Variants in TGM4 observed in about 807,000 individuals in gnomAD.
TGM4 encodes protein-glutamine gamma-glutamyltransferase 4.
In TGM4, 61 loss-of-function variants were observed where a neutral mutation model predicts 76.3. The observed-to-expected ratio is 0.80, with a 90% CI of 0.65 to 0.99. The LOEUF is 0.99. Ranked by LOEUF, TGM4 falls within the 50% of genes least tolerant of loss-of-function variation. The pLI is 0.00. For synonymous variants in TGM4, 337 were observed against 329.8 expected (o/e 1.02, Z -0.24); for missense variants, 794 against 843.2 (o/e 0.94, Z 0.72).
rs1402531364 is a variant in TGM4, at chr3:44,901,570, G to A, written c.704G>A (p.Gly235Glu). ...GGCGTGCTCATTGGGAATTGGACTG[G>A]GGACTACGAAGGTGGCACAGCCCCA... ...GQGVLIGNWT[G>E]DYEGGTAPYK... Residue 235 changes from glycine (G) to glutamate (E), a missense_variant, in exon 7 of 14, where the codon GGG becomes GAG. By Grantham distance (98) the Gly-to-Glu change is moderately conservative. Transcript: ENST00000296125. The A allele has an allele frequency of 6.2e-7, 1 of 1,613,946 alleles. No individual in the cohort carries two copies. Among genetic ancestry groups the A allele is most frequent in the Non-Finnish European group, 8.5e-7 (1 of 1,179,924 alleles).
At chr3:44,902,183 C>T (rs1699864524) in intron 8 of TGM4, among the ~76,000 whole-genome samples, 1 of 152,176 alleles carries the variant, frequency 6.6e-6, no homozygotes, top group Non-Finnish European at 1.5e-5. Flanking sequence ...GCTGTGGGGC[C>T]CCTTCAGCCT....
In TGM4 at chr3:44,911,464, T is replaced by C. The variant is rs143110779; in HGVS notation, c.1913+58T>C. 262 of 1,590,482 alleles carry C rather than the reference T, an allele frequency of 1.6e-4. 3 individuals carry two copies. The African/African-American group carries it at 2.8e-3, about 17-fold the overall frequency. On this transcript the variant is annotated intron_variant, in intron 13 of 13. Coordinates refer to ENST00000296125, the MANE Select transcript of TGM4 (RefSeq NM_003241.4). ...CTTCTGGACATATATCTTGCACATG[T>C]GTGCATATTCCTGAGAAGTGAATTC...
chr3:44,902,373 G>A (rs1158485530), intron 8 of TGM4, among the ~76,000 whole-genome samples: 2 of 152,208 alleles, frequency 1.3e-5, no homozygotes, highest in African/African-American at 4.8e-5. Context: ...GGGAGGCTGA[G>A]GTGGGTGGAT....
Position 44,890,625 on chromosome 3 carries a change from C to T in TGM4, c.323C>T (p.Ser108Phe), listed in dbSNP as rs1391567168. The change falls in exon 4 of 14, where the codon TCC becomes TTC. Residue 108 changes from serine to phenylalanine, a missense_variant. Coordinates refer to ENST00000296125, the MANE Select transcript of TGM4 (RefSeq NM_003241.4). ...CAGGTCACAGTGGCTGTCACCAGTT[C>T]CCCCAATGCCATCCTGGGCAAGTAC... ...GKEVTVAVTSSPNAILGKYQL... is the reference protein window; with the variant it reads ...GKEVTVAVTSFPNAILGKYQL... The T allele has an allele frequency of 6.2e-7, 1 of 1,613,920 alleles. No individual in the cohort carries two copies. Among genetic ancestry groups the T allele is most frequent in the African/African-American group, 1.3e-5 (1 of 74,906 alleles).
chr3:44,895,061 C>G (rs571063979), intron 5 of TGM4, among the ~76,000 whole-genome samples: 1 of 151,950 alleles, frequency 6.6e-6, no homozygotes, highest in Admixed American at 6.6e-5. Context: ...TTTGGGAGGC[C>G]GAAGCAGGCA....
chr3:44,886,560 A>C (rs1217437057), intron 2 of TGM4, among the ~76,000 whole-genome samples: 3 of 152,198 alleles, frequency 2.0e-5, no homozygotes, highest in Non-Finnish European at 4.4e-5. Flanking sequence ...CAACGCATGG[A>C]CTGGGACCGT....
At chr3:44,896,357 T>C (rs1181981202) in intron 5 of TGM4, among the ~76,000 whole-genome samples, 3 of 152,204 alleles carry the variant, frequency 2.0e-5, no homozygotes, top group African/African-American at 7.2e-5. Flanking sequence ...GTGATCCACC[T>C]GCCTCGGCCT....
chr3:44,888,716 C>T (rs1699646621), intron 3 of TGM4: 1 of 152,084 alleles, frequency 6.6e-6, no homozygotes, highest in Admixed American at 6.6e-5. Flanking sequence ...ATGGTTTGCA[C>T]AATGAATTTT....
At chr3:44,879,143 T>C (rs1014735006) in intron 1 of TGM4, among the ~76,000 whole-genome samples, 1 of 151,454 alleles carries the variant, frequency 6.6e-6, no homozygotes, top group Non-Finnish European at 1.5e-5. Context: ...TTTAAAAAAT[T>C]TATCTGGTCA....
chr3:44,881,747 A>G (rs1350195645), intron 1 of TGM4, among the ~76,000 whole-genome samples: 2 of 152,250 alleles, frequency 1.3e-5, no homozygotes, highest in Admixed American at 6.5e-5. Context: ...TGCTTTTTAA[A>G]ACTCCAAAAG....
At chr3:44,910,411 G>T in intron 11 of TGM4, 43 bp downstream of exon 11, 1 of 1,586,572 alleles carries the variant, frequency 6.3e-7, no homozygotes, top group East Asian at 2.2e-5. Flanking sequence ...TGGGCTCAGG[G>T]TCCCACAATC....
At chr3:44,878,416 T>C (rs1361794129) in intron 1 of TGM4, among the ~76,000 whole-genome samples, 1 of 150,464 alleles carries the variant, frequency 6.6e-6, no homozygotes, top group Non-Finnish European at 1.5e-5. Flanking sequence ...GGAGAGAAAC[T>C]TAATTTTTGT....
intron 9 of TGM4, among the ~76,000 whole-genome samples, chr3:44,905,691 T>A (rs1305718805): frequency 6.6e-6 from 1 of 152,254 alleles, no homozygotes; most frequent in Non-Finnish European, 1.5e-5. Flanking sequence ...TGAGCCCACA[T>A]GGCCCTGAAG....
Position 44,910,090 on chromosome 3 carries a change from G to A in TGM4, c.1328G>A (p.Gly443Asp). The A allele has an allele frequency of 5.6e-6, 9 of 1,612,030 alleles. No individual in the cohort carries two copies. The highest frequency in any genetic ancestry group is 7.6e-6 in the Non-Finnish European group (9 of 1,178,742). ...GAAGCTGCCTTTGTGTCTCTTTCAG[G>A]CTCCTCTGAGGAGAGGCAGGTCATG... ...DITYEYKYPE[G>D]SSEERQVMDH... is the part of the protein sequence containing the mutation. Residue 443 changes from glycine (G) to aspartate (D), a missense_variant and splice_region_variant, in exon 11 of 14, where the codon GGC becomes GAC. By Grantham distance (94) the Gly-to-Asp change is moderately conservative. Transcript: ENST00000296125.
intron 1 of TGM4, among the ~76,000 whole-genome samples, chr3:44,877,842 A>G (rs768910767): frequency 6.6e-6 from 1 of 152,242 alleles, no homozygotes; most frequent in Non-Finnish European, 1.5e-5. Flanking sequence ...ATTGTCACAC[A>G]TGAGTGCAAA....
chr3:44,893,741 AC>A, intron 5 of TGM4, 46 bp downstream of exon 5: 1 of 1,532,332 alleles, frequency 6.5e-7, no homozygotes. Flanking sequence ...CATCTGCTAG[AC>A]CACCCTTTTA....
At chr3:44,885,561 G>A in intron 2 of TGM4, 63 bp downstream of exon 2, 6 of 1,548,032 alleles carry the variant, frequency 3.9e-6, no homozygotes, top group Non-Finnish European at 5.3e-6. Context: ...TGTGGATGCT[G>A]GAGTGGCCCT....
chr3:44,881,692 A>G (rs1699535230), intron 1 of TGM4, among the ~76,000 whole-genome samples: 1 of 152,262 alleles, frequency 6.6e-6, no homozygotes, highest in Admixed American at 6.5e-5. Context: ...CAATTTCACA[A>G]GAGCTCATTA....
intron 2 of TGM4, 108 bp from the exon 3 acceptor site, chr3:44,887,581 A>G: frequency 1.1e-6 from 1 of 921,286 alleles, no homozygotes; most frequent in East Asian, 2.6e-5. Flanking sequence ...GAGCCTGGAA[A>G]GGAGGGGTGG....
Sources: gnomAD v4.1 joint callset for allele counts (sites outside exome capture counted in the v4.1 genomes callset) on GRCh38, gnomAD v4.1.1 for gene constraint, MANE v1.5 for transcripts, NCBI Gene and HGNC (gene_info 2026-07-23, HGNC 2026-07-21) for gene names.